C4orf36: variants seen among roughly 807,000 people sequenced by gnomAD.
C4orf36 encodes the protein chromosome 4 open reading frame 36.
In C4orf36, 11 loss-of-function variants were observed where a neutral mutation model predicts 12.2. That is an observed-to-expected ratio of 0.90 (90% CI 0.57 to 1.49). The LOEUF (loss-of-function observed/expected upper bound fraction) is 1.49. Among genes scored for constraint, C4orf36 ranks in the 40% most tolerant of loss-of-function variants. The pLI, the probability that C4orf36 is intolerant of heterozygous loss-of-function variation, is 0.00. For synonymous variants in C4orf36, 54 were observed against 51.3 expected (o/e 1.05, Z -0.22); for missense variants, 137 against 133.9 (o/e 1.02, Z -0.11).
At chr4:86,931,661 C>T in the C4orf36 span, among the ~76,000 whole-genome samples, 4 of 152,130 alleles carry the variant, frequency 2.6e-5, no homozygotes, top group African/African-American at 7.2e-5. Flanking sequence ...ATCCTCCCAA[C>T]GTGCTGGGAT....
chr4:86,913,781 G>T, the C4orf36 span: 1 of 1,347,972 alleles, frequency 7.4e-7, no homozygotes, highest in Non-Finnish European at 1.1e-6. Context: ...GCTGCCCAAA[G>T]GGCATCTTGC....
chr4:86,913,196 C>T, the C4orf36 span: 2 of 426,560 alleles, frequency 4.7e-6, no homozygotes, highest in Non-Finnish European at 8.8e-6. Flanking sequence ...CATCGTGCCA[C>T]AGCACAGCTG....
At chr4:86,887,548 C>T (rs1424570331) in intron 4 of C4orf36, 4 of 455,762 alleles carry the variant, frequency 8.8e-6, no homozygotes, top group Non-Finnish European at 1.5e-5. Context: ...CATCTACTTA[C>T]AGTGCTGTCG....
rs1747412784 is a variant in C4orf36, at chr4:86,891,462, TAAC to T, written c.56_58del (p.Cys19del). On this transcript the variant is annotated inframe_deletion, in exon 2 of 5. Coordinates refer to ENST00000295898, the MANE Select transcript of C4orf36 (RefSeq NM_144645.4). Reference sequence around the variant, plus strand: ...AAAAAAAAATAGTACTTACACATTATAACAACTGCCCCGCAAAATGGTTTTCAC... The same window carrying T: ...AAAAAAAAATAGTACTTACACATTATAACTGCCCCGCAAAATGGTTTTCAC... The T allele has an allele frequency of 1.2e-6, 2 of 1,613,688 alleles. No individual in the cohort carries two copies. The highest frequency in any genetic ancestry group is 1.7e-5 in the Admixed American group (1 of 59,994).
chr4:86,927,889 C>T, the C4orf36 span, among the ~76,000 whole-genome samples: 12 of 152,120 alleles, frequency 7.9e-5, no homozygotes, highest in African/African-American at 2.7e-4. Flanking sequence ...TATCACATGA[C>T]CAGAGGTATA....
upstream of C4orf36, chr4:86,892,550 G>T: frequency 1.3e-6 from 1 of 788,474 alleles, no homozygotes; most frequent in Non-Finnish European, 1.5e-6. Flanking sequence ...CCGGGCCGGG[G>T]CAGGCCGCGC....
At chr4:86,916,569 A>T in the C4orf36 span, among the ~76,000 whole-genome samples, 5 of 152,172 alleles carry the variant, frequency 3.3e-5, no homozygotes, top group African/African-American at 1.2e-4. Flanking sequence ...CTGACCCCTG[A>T]TATGGCACCA....
At chr4:86,901,700 C>G in the C4orf36 span, among the ~76,000 whole-genome samples, 2 of 152,106 alleles carry the variant, frequency 1.3e-5, no homozygotes, top group Admixed American at 1.3e-4. Context: ...CGTGAGCAAC[C>G]GCGCCCGGCC....
the C4orf36 span, among the ~76,000 whole-genome samples, chr4:86,916,468 TCAA>T: frequency 6.6e-6 from 1 of 151,366 alleles, no homozygotes; most frequent in African/African-American, 2.4e-5. Context: ...AGACATGGAC[TCAA>T]CAACAGCTTC....
At chr4:86,894,971 G>A (rs1227647206), upstream of C4orf36, among the ~76,000 whole-genome samples, 1 of 152,152 alleles carries the variant, frequency 6.6e-6, no homozygotes, top group Non-Finnish European at 1.5e-5. Context: ...GAACCACCCA[G>A]CTAAGTCACC....
chr4:86,926,004 G>A, the C4orf36 span: 1 of 151,662 alleles, frequency 6.6e-6, no homozygotes, highest in Non-Finnish European at 1.5e-5. Flanking sequence ...AGCCTCCCGA[G>A]TAGGTGGGAT....
At chr4:86,922,700 T>C in the C4orf36 span, among the ~76,000 whole-genome samples, 3 of 152,154 alleles carry the variant, frequency 2.0e-5, no homozygotes, top group Non-Finnish European at 4.4e-5. Flanking sequence ...CTCACCCCAG[T>C]AGATGGCTTC....
Position 86,892,168 on chromosome 4 carries a change from G to C in C4orf36, c.-74+15C>G, listed in dbSNP as rs888960957. 8.1e-6 allele frequency: 8 copies of C among 985,572 alleles called. No homozygotes were observed. Among genetic ancestry groups the C allele is most frequent in the Non-Finnish European group, 8.4e-6 (7 of 830,078 alleles). The allele number at this position is 985,572 out of a possible 1,614,324, so 61.1% of individuals were successfully genotyped here. On this transcript the variant is annotated intron_variant, in intron 1 of 4. Transcript: ENST00000295898. ...CGGAGAAGGGAACGGCCTCAGCCTC[G>C]GCTCCTTCCCACACCTGGGCCCCAC... is the stretch of plus-strand genomic sequence containing the variant.
At chr4:86,913,990 G>A in the C4orf36 span, 2 of 1,576,356 alleles carry the variant, frequency 1.3e-6, no homozygotes, top group Non-Finnish European at 1.7e-6. Context: ...GCAGAAAACA[G>A]TCTGCATTTG....
the C4orf36 span, among the ~76,000 whole-genome samples, chr4:86,923,117 G>A: frequency 6.8e-6 from 1 of 147,808 alleles, no homozygotes; most frequent in Admixed American, 6.8e-5. Context: ...TTTTAGAAAC[G>A]GTCTCACTCT....
At chr4:86,913,212 T>A in the C4orf36 span, 1 of 490,408 alleles carries the variant, frequency 2.0e-6, no homozygotes, top group Non-Finnish European at 3.9e-6. Context: ...AGCTGTGATC[T>A]TCCACAGTTT....
the C4orf36 span, among the ~76,000 whole-genome samples, chr4:86,907,890 C>T: frequency 2.6e-5 from 4 of 151,400 alleles, no homozygotes; most frequent in Non-Finnish European, 5.9e-5. Flanking sequence ...AATTGCTTGA[C>T]CCGAGGAGCA....
chr4:86,910,797 G>A, the C4orf36 span, among the ~76,000 whole-genome samples: 1 of 152,108 alleles, frequency 6.6e-6, no homozygotes, highest in Non-Finnish European at 1.5e-5. Flanking sequence ...CGGGCACAGT[G>A]GCTCATGTCT....
chr4:86,920,377 C>A, the C4orf36 span, among the ~76,000 whole-genome samples: 1 of 152,198 alleles, frequency 6.6e-6, no homozygotes, highest in Admixed American at 6.5e-5. Flanking sequence ...TTCTAGCCTG[C>A]TGCTCCAGAT....
Sources: gnomAD v4.1 joint callset for allele counts (sites outside exome capture counted in the v4.1 genomes callset) on GRCh38, gnomAD v4.1.1 for gene constraint, MANE v1.5 for transcripts, NCBI Gene and HGNC (gene_info 2026-07-23, HGNC 2026-07-21) for gene names.